The following RBIS variants were observed in gnomAD, a reference collection of about 807,000 sequenced individuals.
RBIS encodes the protein ribosomal biogenesis factor, also known as ribosome biogenesis factor identified in screen.
RBIS carries 9 observed loss-of-function variants against 9.8 expected under a neutral mutation model. The ratio of observed to expected loss-of-function variants is 0.92; its 90% CI spans 0.56 to 1.61. The LOEUF is 1.61. Ranked by LOEUF, RBIS falls within the 40% of genes most tolerant of loss-of-function variation. The pLI is 0.00. For synonymous variants in RBIS, 35 were observed against 37.9 expected (o/e 0.92, Z 0.28); for missense variants, 103 against 116.0 (o/e 0.89, Z 0.51).
chr8:85,215,176 G>A (rs1187169426), intron 2 of RBIS, 139 bp from the exon 3 acceptor site: 1 of 444,622 alleles, frequency 2.2e-6, no homozygotes, highest in Non-Finnish European at 4.0e-6. Flanking sequence ...AATTCTTATA[G>A]TCTTATTGGG....
chr8:85,216,930 C>A (rs1437807525), intron 2 of RBIS: 2 of 181,900 alleles, frequency 1.1e-5, no homozygotes, highest in East Asian at 2.8e-4. Context: ...TTGTGCATTT[C>A]AATAAATATT....
Position 85,217,451 on chromosome 8 carries a change from T to A in RBIS, c.49A>T (p.Ile17Leu). The A allele has an allele frequency of 6.2e-7, 1 of 1,612,744 alleles. No homozygotes were observed. Among genetic ancestry groups the A allele is most frequent in the Non-Finnish European group, 8.5e-7 (1 of 1,179,680 alleles). ...RGPKSRNVFH[I>L]ASQKNFKAKN... The stretch of plus-strand genomic sequence containing the variant: ...GCCTTAAAGTTTTTTTGGCTGGCTA[T>A]GTGAAATACATTCCTGGACTTCGGC... Residue 17 changes from isoleucine (I) to leucine (L), a missense_variant, in exon 2 of 4, where the codon ATA (isoleucine) becomes TTA (leucine). Physicochemically the swap from Ile to Leu is conservative, Grantham distance 5 (BLOSUM62 2). Transcript: ENST00000619594.
At chr8:85,220,250 G>C (rs566451518) in intron 1 of RBIS, 56 bp downstream of exon 1, 2 of 152,384 alleles carry the variant, frequency 1.3e-5, no homozygotes, top group Admixed American at 1.3e-4. Flanking sequence ...ATCCAACCCC[G>C]ACCCCTGCAA....
chr8:85,214,546 G>A lies in RBIS; in HGVS notation c.*14C>T, dbSNP rs377353626. 70 of 1,475,014 alleles carry A rather than the reference G, an allele frequency of 4.7e-5. 1 individual carries two copies. In the Middle Eastern group the frequency reaches 5.1e-4, roughly 11 times the overall value. 91.4% of individuals were successfully genotyped at this position (1,475,014 alleles called of 1,614,324 possible). A position where few individuals can be genotyped will look rare whatever the true frequency, so the allele number is the denominator to read the frequency against. On this transcript the variant is annotated 3_prime_UTR_variant, in exon 4 of 4. Transcript: ENST00000619594. The stretch of plus-strand genomic sequence containing the variant: ...TATTGGTCTTTGTGGAGAATTAGAT[G>A]CATCACCAGTATATTACAACAGAGC...
chr8:85,217,083 TAAG>T lies in RBIS; in HGVS notation c.114+300_114+302del, dbSNP rs1813180768. The T allele has an allele frequency of 1.1e-5, 6 of 531,030 alleles. No homozygotes were observed. In the South Asian group the frequency reaches 1.7e-4, roughly 15 times the overall value. 32.9% of individuals were successfully genotyped at this position (531,030 alleles called of 1,614,324 possible). ...ACATTCTTACATTTGAGTTTAGAGA[TAAG>T]AACTGTTTCCCATACTATGGTTTTT... On this transcript the variant is annotated intron_variant, in intron 2 of 3. Coordinates refer to ENST00000619594, the MANE Select transcript of RBIS (RefSeq NM_001099673.3).
At chr8:85,215,102 C>T in intron 2 of RBIS, 65 bp from the exon 3 acceptor site, 2 of 592,356 alleles carry the variant, frequency 3.4e-6, no homozygotes, top group Non-Finnish European at 2.8e-6. Context: ...ATATATTCAA[C>T]CTTAACCTGT....
chr8:85,216,737 T>C (rs1283721375), intron 2 of RBIS: 1 of 152,312 alleles, frequency 6.6e-6, no homozygotes, highest in Non-Finnish European at 1.5e-5. Flanking sequence ...CTCCGCTAGC[T>C]CATGAAAGTT....
Position 85,214,373 on chromosome 8 carries a change from CTTTAAG to C in RBIS, c.*181_*186del, listed in dbSNP as rs564701079. 297 of 610,414 alleles carry C rather than the reference CTTTAAG, an allele frequency of 4.9e-4. No individual in the cohort carries two copies. Among genetic ancestry groups the C allele is most frequent in the African/African-American group, 1.7e-3 (92 of 53,784 alleles). The allele number at this position is 610,414 out of a possible 1,614,324, so 37.8% of individuals were successfully genotyped here. On this transcript the variant is annotated 3_prime_UTR_variant, in exon 4 of 4. Coordinates refer to ENST00000619594, the MANE Select transcript of RBIS (RefSeq NM_001099673.3). The stretch of plus-strand genomic sequence containing the variant: ...TTGTGAAGTGCCTTCTGTTTTAGCA[CTTTAAG>C]TTTATCACATTTTGTTGACTTCTGA...
rs1011751673 is a variant in RBIS, at chr8:85,214,220, G to C, written c.*340C>G. The C allele has an allele frequency of 3.7e-6, 2 of 541,116 alleles. No individual in the cohort carries two copies. Among genetic ancestry groups the C allele is most frequent in the African/African-American group, 1.9e-5 (1 of 53,488 alleles). The allele number at this position is 541,116 out of a possible 1,614,324, so 33.5% of individuals were successfully genotyped here. ...CAAGTTGGCCAAGGACTCATTACTT[G>C]TCTTATATTTTTACTGCCACTAAAC... On this transcript the variant is annotated 3_prime_UTR_variant, in exon 4 of 4. Transcript: ENST00000619594.
intron 2 of RBIS, chr8:85,215,300 G>C (rs556029375): frequency 1.2e-4 from 21 of 179,536 alleles, no homozygotes; most frequent in Middle Eastern, 2.5e-3. Flanking sequence ...TTCATAATAA[G>C]ATATATATAT....
Position 85,214,199 on chromosome 8 carries a change from T to C in RBIS, c.*361A>G. 1 of 536,610 alleles carries C rather than the reference T, an allele frequency of 1.9e-6. No homozygotes were observed. The highest frequency in any genetic ancestry group is 3.6e-6 in the Non-Finnish European group (1 of 280,678). 33.2% of individuals were successfully genotyped at this position (536,610 alleles called of 1,614,324 possible). On this transcript the variant is annotated 3_prime_UTR_variant, in exon 4 of 4. Coordinates refer to ENST00000619594, the MANE Select transcript of RBIS (RefSeq NM_001099673.3). ...GACACTACAGGTCATCAAAAACAAG[T>C]TGGCCAAGGACTCATTACTTGTCTT...
chr8:85,216,482 A>C (rs1416846341), intron 2 of RBIS, among the ~76,000 whole-genome samples: 1 of 152,060 alleles, frequency 6.6e-6, no homozygotes, highest in Non-Finnish European at 1.5e-5. Flanking sequence ...ATCTTCCTCA[A>C]ATACACCAAG....
At chr8:85,217,115 T>G in intron 2 of RBIS, 2 of 573,324 alleles carry the variant, frequency 3.5e-6, no homozygotes, top group Non-Finnish European at 3.0e-6. Context: ...GGTTTTTAAA[T>G]GAGTTCTATG....
rs779610597 is a variant in RBIS, at chr8:85,215,049, A to G, written c.115-12T>C. The G allele has an allele frequency of 1.8e-6, 2 of 1,098,130 alleles. No individual in the cohort carries two copies. Among genetic ancestry groups the G allele is most frequent in the Admixed American group, 4.6e-5 (2 of 43,330 alleles). The allele number at this position is 1,098,130 out of a possible 1,614,324, so 68.0% of individuals were successfully genotyped here. ...TTCATAATGTTTATCTTTTAAAAAG[A>G]AAAAAAGCATTAATCTATGATCTCA... On this transcript the variant is annotated splice_polypyrimidine_tract_variant and intron_variant, in intron 2 of 3. Transcript: ENST00000619594.
In RBIS at chr8:85,217,371, TTAAC is replaced by T. The variant is rs1264499494; in HGVS notation, c.114+11_114+14del. On this transcript the variant is annotated intron_variant, in intron 2 of 3. Transcript: ENST00000619594. ...CTTGTAAACAATAAAGTCAGAGTGC[TTAAC>T]TAATACTCACCTTCTTAAGATTAGT... 6 of 1,412,204 alleles carry T rather than the reference TTAAC, an allele frequency of 4.2e-6. No individual in the cohort carries two copies. Among genetic ancestry groups the T allele is most frequent in the Non-Finnish European group, 6.0e-6 (6 of 996,412 alleles). 87.5% of individuals were successfully genotyped at this position (1,412,204 alleles called of 1,614,324 possible).
At chr8:85,216,562 CCTAGCTCTTTGCATTG>C (rs1813162696) in intron 2 of RBIS, among the ~76,000 whole-genome samples, 1 of 152,194 alleles carries the variant, frequency 6.6e-6, no homozygotes, top group Non-Finnish European at 1.5e-5. Flanking sequence ...CCCAACACTT[CCTAGCTCTTTGCATTG>C]CTAGCTCTTT....
At chr8:85,217,225 CT>C (rs557468768) in intron 2 of RBIS, 160 bp downstream of exon 2, 179 of 653,374 alleles carry the variant, frequency 2.7e-4, no homozygotes, top group South Asian at 5.7e-4. Context: ...ATTTTTCTTC[CT>C]TTTTTTTTAT....
intron 2 of RBIS, chr8:85,215,744 A>G (rs1056514196): frequency 6.6e-6 from 1 of 152,236 alleles, no homozygotes; most frequent in African/African-American, 2.4e-5. Context: ...TATCCTTTAT[A>G]ATAAACTGGT....
At chr8:85,214,878 T>G (rs1379346398) in intron 3 of RBIS, 43 bp downstream of exon 3, 1 of 1,082,968 alleles carries the variant, frequency 9.2e-7, no homozygotes, top group African/African-American at 1.6e-5. Context: ...TTTATTAGCC[T>G]CAATTTGTTA....
Sources: gnomAD v4.1 joint callset for allele counts (sites outside exome capture counted in the v4.1 genomes callset) on GRCh38, gnomAD v4.1.1 for gene constraint, MANE v1.5 for transcripts, NCBI Gene and HGNC (gene_info 2026-07-23, HGNC 2026-07-21) for gene names.